The following ITIH1 variants were observed in gnomAD, a reference collection of about 807,000 sequenced individuals.
ITIH1 encodes inter-alpha-trypsin inhibitor heavy chain 1, also known as inter-alpha-trypsin inhibitor heavy chain H1.
A neutral mutation model predicts 104.6 loss-of-function variants in ITIH1; 94 were observed. The observed-to-expected ratio is 0.90, with a 90% CI of 0.76 to 1.07. The LOEUF (loss-of-function observed/expected upper bound fraction) is 1.07. Ranked by LOEUF, ITIH1 falls within the 50% of genes least tolerant of loss-of-function variation. The pLI, the probability that ITIH1 is intolerant of heterozygous loss-of-function variation, is 0.00. For missense variants in ITIH1, 1,193 were observed against 1,181.4 expected, an observed-to-expected ratio of 1.01 and a Z score of -0.14; for synonymous variants, 455 against 464.4, an observed-to-expected ratio of 0.98 and a Z score of 0.26.
chr3:52,778,271 G>A (rs967230690), intron 2 of ITIH1, 69 bp from the exon 3 acceptor site: 39 of 1,512,152 alleles, frequency 2.6e-5, no homozygotes, highest in East Asian at 9.0e-5. Flanking sequence ...CCAAGTCCCC[G>A]TACCACAGGA....
chr3:52,791,758 C>G (rs1370869795), intron 21 of ITIH1, 24 bp from the exon 22 acceptor site: 1 of 1,607,938 alleles, frequency 6.2e-7, no homozygotes, highest in East Asian at 2.2e-5. Flanking sequence ...GAAGGGTGAC[C>G]CCAGCTGACT....
chr3:52,779,097 G>A lies in ITIH1; in HGVS notation c.410+51G>A, dbSNP rs755273540. The A allele has an allele frequency of 7.8e-7, 1 of 1,286,244 alleles. No homozygotes were observed. The highest frequency in any genetic ancestry group is 1.2e-5 in the South Asian group (1 of 84,242). The allele number at this position is 1,286,244 out of a possible 1,614,324, so 79.7% of individuals were successfully genotyped here. On this transcript the variant is annotated intron_variant, in intron 4 of 21. Transcript: ENST00000273283. This position sits in a 1 kb window ranked among gnomAD's most constrained non-coding sequence, Gnocchi z 4.4. ...TCTCTAGGGCTGCCCTCCCCAGCCA[G>A]GACAGGTCTGATGGCTGCAAGGTGG...
At chr3:52,781,334 CT>C (rs1325366507) in intron 6 of ITIH1, among the ~76,000 whole-genome samples, 4 of 148,880 alleles carry the variant, frequency 2.7e-5, no homozygotes, top group African/African-American at 4.9e-5. Context: ...TCTTCTTCTT[CT>C]ATCTTCTCTT....
rs1165009157 is a variant in ITIH1 at position 52,779,182 on chromosome 3, C to T, written c.410+136C>T. ...TAAGCAAACTGCCCAAACCCAGATGCCAGCACGGTGCACTGAACAGGCTGC... is the reference window on the plus strand; with the variant it reads ...TAAGCAAACTGCCCAAACCCAGATGTCAGCACGGTGCACTGAACAGGCTGC... On this transcript the variant is annotated intron_variant, in intron 4 of 21. Coordinates refer to ENST00000273283, the MANE Select transcript of ITIH1 (RefSeq NM_002215.4). This position sits in a 1 kb window ranked among gnomAD's most constrained non-coding sequence, Gnocchi z 4.4. The T allele has an allele frequency of 7.9e-6, 6 of 758,252 alleles. No individual in the cohort carries two copies. The highest frequency in any genetic ancestry group is 1.4e-5 in the Non-Finnish European group (6 of 432,712). The allele number at this position is 758,252 out of a possible 1,614,324, so 47.0% of individuals were successfully genotyped here.
In ITIH1 at chr3:52,789,729, G is replaced by A. The variant is rs556507186; in HGVS notation, c.2196G>A (p.Arg732=). ...PGQHDGTYFG[R]LGIANPATDF... ...AGCATGACGGCACGTACTTCGGGCG[G>A]CTGGGAATCGCAAACCCTGCCACGG... Residue 732 remains arginine (R), a synonymous_variant, in exon 19 of 22, where the codon CGG becomes CGA. Coordinates refer to ENST00000273283, the MANE Select transcript of ITIH1 (RefSeq NM_002215.4). 71 of 1,614,248 alleles carry A rather than the reference G, an allele frequency of 4.4e-5. No homozygotes were observed. In the East Asian group the frequency reaches 1.3e-3, roughly 30 times the overall value.
Position 52,791,793 on chromosome 3 carries a change from A to G in ITIH1, c.2618A>G (p.Lys873Arg). 1 of 1,613,380 alleles carries G rather than the reference A, an allele frequency of 6.2e-7. No individual in the cohort carries two copies. Among genetic ancestry groups the G allele is most frequent in the Non-Finnish European group, 8.5e-7 (1 of 1,179,622 alleles). Reference sequence around the variant, plus strand: ...TTGTCTCTGCACAGGGGTTTGCAAAAAGACTACAGCAAGGACCCGTGGCAT... The same window carrying G: ...TTGTCTCTGCACAGGGGTTTGCAAAGAGACTACAGCAAGGACCCGTGGCAT... The part of the protein sequence containing the change: ...RRLTVTRGLQ[K>R]DYSKDPWHGA... Residue 873 changes from lysine (K) to arginine (R), a missense_variant, in exon 22 of 22, where the codon AAA (lysine) becomes AGA (arginine). Physicochemically the swap from Lys to Arg is conservative, Grantham distance 26 (BLOSUM62 2). Coordinates refer to ENST00000273283, the MANE Select transcript of ITIH1 (RefSeq NM_002215.4).
Position 52,782,261 on chromosome 3 carries a change from G to A in ITIH1, c.924G>A (p.Val308=), listed in dbSNP as rs776615915. ...GTGGCTCCATGAGAGGCCAGAAAGT[G>A]AAGCAGGTAGGCTGCAGCTTGAAAC... ...DISGSMRGQK[V]KQTKEALLKI... Residue 308 remains valine, a synonymous_variant, in exon 8 of 22, where the codon GTG becomes GTA. Transcript: ENST00000273283. 2.5e-6 allele frequency: 4 copies of A among 1,612,702 alleles called. No individual in the cohort carries two copies. Among genetic ancestry groups the A allele is most frequent in the Non-Finnish European group, 3.4e-6 (4 of 1,178,646 alleles).
chr3:52,786,458 G>C, intron 13 of ITIH1, 24 bp downstream of exon 13: 2 of 1,560,370 alleles, frequency 1.3e-6, no homozygotes, highest in Admixed American at 3.8e-5. Context: ...AGCTGCCCCA[G>C]GTGGGCACTG....
At position 52,790,786 on chromosome 3, in the gene ITIH1, G is replaced by T. The variant is rs1363733768; in HGVS notation, c.2359G>T (p.Val787Leu). 6.8e-6 allele frequency: 11 copies of T among 1,613,160 alleles called. No individual in the cohort carries two copies. Among genetic ancestry groups the T allele is most frequent in the Non-Finnish European group, 7.6e-6 (9 of 1,179,650 alleles). The change falls in exon 20 of 22, where the codon GTG (valine) becomes TTG (leucine). Residue 787 changes from valine to leucine, a missense_variant. Transcript: ENST00000273283. ...CATCAACAAGAAGAGGAACCTGGTG[G>T]TGTCTGTGGACGACGGTGGCACCTT... ...VTINKKRNLV[V>L]SVDDGGTFEV... is the part of the protein sequence containing the mutation.
At position 52,784,477 on chromosome 3, in the gene ITIH1, G is replaced by T. The variant is rs902092866; in HGVS notation, c.1407G>T (p.Gln469His). Residue 469 changes from glutamine to histidine, a missense_variant and splice_region_variant, in exon 11 of 22, where the codon CAG becomes CAT. Gln to His is a conservative substitution (Grantham distance 24). Transcript: ENST00000273283. ...YEDHDATQQL[Q>H]GFYSQVAKPL... ...ACCATGATGCCACCCAGCAGCTGCA[G>T]GTCTCCCCTCACAACCCCCTGTACC... The T allele has an allele frequency of 6.2e-7, 1 of 1,613,618 alleles. No homozygotes were observed. The highest frequency in any genetic ancestry group is 8.5e-7 in the Non-Finnish European group (1 of 1,179,694).
Position 52,791,631 on chromosome 3 carries a change from G to A in ITIH1, c.2606+3G>A, listed in dbSNP as rs781525902. 6.2e-7 allele frequency: 1 copy of A among 1,613,580 alleles called. No homozygotes were observed. The highest frequency in any genetic ancestry group is 8.5e-7 in the Non-Finnish European group (1 of 1,179,766). On this transcript the variant is annotated splice_donor_region_variant and intron_variant, in intron 21 of 21. Coordinates refer to ENST00000273283, the MANE Select transcript of ITIH1 (RefSeq NM_002215.4). The stretch of plus-strand genomic sequence containing the variant: ...AACCGCCGGCTCACGGTCACCAGGT[G>A]GGTGGGCTGCTTGCCCAGCACGTCT...
chr3:52,778,017 C>T lies in ITIH1; in HGVS notation c.138C>T (p.Thr46=), dbSNP rs142380817. The change falls in exon 2 of 22, where the codon ACC becomes ACT. Residue 46 remains threonine (T), a splice_region_variant and synonymous_variant. Coordinates refer to ENST00000273283, the MANE Select transcript of ITIH1 (RefSeq NM_002215.4). ...KSSEKRQAVD[T]AVDGVFIRSL... ...TGCAGAAGCGACAGGCTGTGGACAC[C>T]GTGAGTAAGAGTCCTGGCAAAGGGG... 23 of 1,614,076 alleles carry T rather than the reference C, an allele frequency of 1.4e-5. No homozygotes were observed. Among genetic ancestry groups the T allele is most frequent in the Admixed American group, 1.2e-4 (7 of 60,012 alleles).
chr3:52,787,511 G>C, intron 15 of ITIH1, 81 bp from the exon 16 acceptor site: 1 of 1,552,698 alleles, frequency 6.4e-7, no homozygotes, highest in Non-Finnish European at 8.9e-7. Context: ...GCCCAGGCCT[G>C]TTGTGGACAG....
At chr3:52,781,268 CTT>C (rs1699046426) in intron 6 of ITIH1, among the ~76,000 whole-genome samples, 3 of 134,966 alleles carry the variant, frequency 2.2e-5, no homozygotes, top group East Asian at 4.3e-4. Flanking sequence ...TCTTCTTCTT[CTT>C]CTTCTTCTTC....
chr3:52,791,427 A>G, intron 20 of ITIH1, 90 bp from the exon 21 acceptor site: 1 of 1,034,594 alleles, frequency 9.7e-7, no homozygotes, highest in South Asian at 1.4e-5. Flanking sequence ...CGGTCCAGCA[A>G]TGCTCTAACC....
At chr3:52,781,197 C>CTTTTT (rs10526848) in intron 6 of ITIH1, among the ~76,000 whole-genome samples, 1 of 69,236 alleles carries the variant, frequency 1.4e-5, no homozygotes, top group African/African-American at 5.9e-5. Context: ...TCCTCCTCTT[C>CTTTTT]TTTTTTTTTT....
rs1699165497 is a variant in ITIH1, at chr3:52,785,055, C to A, written c.1419C>A (p.Ser473Arg). ...DATQQLQGFY[S>R]QVAKPLLVDV... is the part of the protein sequence containing the mutation. ...CTCTATCCCTGCAGGGTTTCTACAGCCAGGTAGCCAAACCCCTGCTGGTGG... is the reference window on the plus strand; with the variant it reads ...CTCTATCCCTGCAGGGTTTCTACAGACAGGTAGCCAAACCCCTGCTGGTGG... Residue 473 changes from serine to arginine, a missense_variant, in exon 12 of 22, where the codon AGC (serine) becomes AGA (arginine). Coordinates refer to ENST00000273283, the MANE Select transcript of ITIH1 (RefSeq NM_002215.4). 6.2e-7 allele frequency: 1 copy of A among 1,613,916 alleles called. No individual in the cohort carries two copies. Among genetic ancestry groups the A allele is most frequent in the Non-Finnish European group, 8.5e-7 (1 of 1,179,980 alleles).
At chr3:52,783,471 G>A in intron 10 of ITIH1, 132 bp downstream of exon 10, 1 of 949,112 alleles carries the variant, frequency 1.1e-6, no homozygotes, top group Non-Finnish European at 1.6e-6. Flanking sequence ...ATCAAGCACT[G>A]GTCTAAAAAC....
chr3:52,787,834 G>A, intron 16 of ITIH1, 152 bp from the exon 17 acceptor site: 1 of 929,768 alleles, frequency 1.1e-6, no homozygotes, highest in South Asian at 1.3e-5. Flanking sequence ...CGTGTCCCGG[G>A]AGCCAATCAA....
Sources: gnomAD v4.1 joint callset for allele counts (sites outside exome capture counted in the v4.1 genomes callset) on GRCh38, gnomAD v4.1.1 for gene constraint, Gnocchi (gnomAD v3.1) non-coding constraint, MANE v1.5 for transcripts, NCBI Gene and HGNC (gene_info 2026-07-23, HGNC 2026-07-21) for gene names.